The following MAX variants were observed in gnomAD, a reference collection of about 807,000 sequenced individuals.
The protein encoded by MAX is MYC associated transcriptional regulator X.
Under a neutral mutation model 22.3 loss-of-function variants are expected in MAX, and 3 were observed. That is an observed-to-expected ratio of 0.13 (90% CI 0.06 to 0.35). MAX has a LOEUF of 0.35. MAX is among the 10% of genes least tolerant of loss of function. The pLI is 1.00. For missense variants in MAX, 119 were observed against 209.4 expected (o/e 0.57, Z 2.66); for synonymous variants, 72 against 77.7 (o/e 0.93, Z 0.39).
At position 65,040,723 on chromosome 14, in the gene MAX, G is replaced by T. The variant is rs2062332971; in HGVS notation, c.172-34439C>A. On this transcript the variant is annotated intron_variant, in intron 3 of 3. Transcript: ENST00000341653. ...AGTGAACTTTTTCTCTGCCACCTAG[G>T]ATGGTCCTGGTCTTGTGTACGTCCA... The T allele has an allele frequency of 2.0e-6, 3 of 1,533,994 alleles. No individual in the cohort carries two copies. The African/African-American group carries it at 4.1e-5, about 21-fold the overall frequency.
At chr14:65,096,436 C>T (rs2063677949) in intron 2 of MAX, among the ~76,000 whole-genome samples, 3 of 152,176 alleles carry the variant, frequency 2.0e-5, no homozygotes, top group Non-Finnish European at 2.9e-5. Context: ...TGAAAGAGCA[C>T]ATGAAAAACA....
At chr14:65,074,146 A>G (rs894923744), downstream of MAX, among the ~76,000 whole-genome samples, 1 of 152,206 alleles carries the variant, frequency 6.6e-6, no homozygotes. Flanking sequence ...AACCAACTGT[A>G]TACTTAAGCC....
At chr14:65,100,601 T>A (rs375310931) in intron 2 of MAX, among the ~76,000 whole-genome samples, 1 of 152,362 alleles carries the variant, frequency 6.6e-6, no homozygotes, top group Admixed American at 6.5e-5. Context: ...TCCTTCTTTA[T>A]TCTTTATGGC....
In MAX at chr14:65,101,570, T is replaced by C. The variant is rs780941187; in HGVS notation, c.39A>G (p.Glu13=). The change falls in exon 2 of 5, where the codon GAA becomes GAG. Residue 13 remains glutamate, a splice_region_variant and synonymous_variant. Coordinates refer to ENST00000358664, the MANE Select transcript of MAX (RefSeq NM_002382.5). ...CCGCAGATTGAAACCTCGGTTGCTC[T>C]TCCTGGAATAAGAGAGAAAAAAAAA... ...DNDDIEVESD[E]EQPRFQSAAD... The C allele has an allele frequency of 6.2e-6, 10 of 1,606,866 alleles. No individual in the cohort carries two copies. Among genetic ancestry groups the C allele is most frequent in the African/African-American group, 1.3e-5 (1 of 74,774 alleles).
rs1346816623 is a variant in MAX, at chr14:65,007,350, T to A, written c.172-1066A>T. Among the ~76,000 whole-genome samples, 1 of 152,224 alleles carries A rather than the reference T, an allele frequency of 6.6e-6. No homozygotes were observed. The highest frequency in any genetic ancestry group is 1.9e-4 in the East Asian group (1 of 5,202). On this transcript the variant is annotated intron_variant, in intron 3 of 3. Coordinates refer to the MAX transcript ENST00000341653. The surrounding 1 kb of genome is among the most constrained non-coding windows in gnomAD (Gnocchi z 4.9). The stretch of plus-strand genomic sequence containing the variant: ...GTTAGCTGTTAGCAGTAAATCTAGA[T>A]GGCAGGGCTTGTTTGTGTGTCTGAG...
intron 3 of MAX, among the ~76,000 whole-genome samples, chr14:65,037,402 C>CT (rs765037575): frequency 5.5e-4 from 8 of 14,530 alleles, no homozygotes; most frequent in Non-Finnish European, 8.3e-4. Context: ...CACGCCGGGC[C>CT]CTTTTTTTTT....
chr14:65,059,182 C>T (rs1447731650), intron 3 of MAX, among the ~76,000 whole-genome samples: 1 of 152,036 alleles, frequency 6.6e-6, no homozygotes, highest in African/African-American at 2.4e-5. Context: ...ACCACCAGAA[C>T]CTGCTAATTT....
chr14:65,026,644 G>C (rs1046006171), intron 3 of MAX, among the ~76,000 whole-genome samples: 1 of 152,162 alleles, frequency 6.6e-6, no homozygotes, highest in Non-Finnish European at 1.5e-5. Flanking sequence ...TGGATCACTT[G>C]AGGTCAGGTA....
At chr14:65,083,118 G>A (rs545643916) in intron 3 of MAX, among the ~76,000 whole-genome samples, 1 of 152,310 alleles carries the variant, frequency 6.6e-6, no homozygotes, top group South Asian at 2.1e-4. Flanking sequence ...TGTTTATGCT[G>A]CAGCTACGTG....
At chr14:65,067,306 A>G (rs1275109476) in intron 3 of MAX, among the ~76,000 whole-genome samples, 2 of 152,214 alleles carry the variant, frequency 1.3e-5, no homozygotes, top group Non-Finnish European at 2.9e-5. Context: ...CCCTATTAAC[A>G]TCTTCCACTA....
chr14:65,042,057 A>G (rs2062365024), intron 3 of MAX, among the ~76,000 whole-genome samples: 1 of 152,008 alleles, frequency 6.6e-6, no homozygotes, highest in African/African-American at 2.4e-5. Flanking sequence ...GTTAAAGGAG[A>G]GAACATTTAT....
At chr14:65,056,539 G>A (rs2062740850) in intron 3 of MAX, among the ~76,000 whole-genome samples, 1 of 152,186 alleles carries the variant, frequency 6.6e-6, no homozygotes, top group Admixed American at 6.5e-5. Flanking sequence ...TGGGTGTGAA[G>A]TGGTATTTGT....
intron 3 of MAX, among the ~76,000 whole-genome samples, chr14:65,083,168 G>C (rs1268246445): frequency 1.3e-5 from 2 of 152,136 alleles, no homozygotes; most frequent in African/African-American, 4.8e-5. Context: ...GCAGACAGAG[G>C]GAAGGCCAAC....
rs1367500817 is a variant in MAX at position 65,011,576 on chromosome 14, G to A, written c.172-5292C>T. ...TGTTTCTGTAATCTGCAAGCACGGG[G>A]AACATCTTGACAATCTGTGCTTTTT... On this transcript the variant is annotated intron_variant, in intron 3 of 3. Coordinates refer to the MAX transcript ENST00000341653. The surrounding 1 kb of genome is among the most constrained non-coding windows in gnomAD (Gnocchi z 4.0). Among the ~76,000 whole-genome samples, 2 of 152,196 alleles carry A rather than the reference G, an allele frequency of 1.3e-5. No individual in the cohort carries two copies. Among genetic ancestry groups the A allele is most frequent in the African/African-American group, 2.4e-5 (1 of 41,438 alleles).
chr14:65,087,566 C>T (rs895271401), intron 3 of MAX, among the ~76,000 whole-genome samples: 1 of 152,190 alleles, frequency 6.6e-6, no homozygotes, highest in Non-Finnish European at 1.5e-5. Context: ...TTTGGACTTG[C>T]ATGAGGCCTG....
intron 2 of MAX, among the ~76,000 whole-genome samples, chr14:65,101,105 T>C (rs1392306857): frequency 1.3e-5 from 2 of 152,234 alleles, no homozygotes; most frequent in Non-Finnish European, 2.9e-5. Context: ...AGCAGTCACA[T>C]GACTTGGTTA....
chr14:65,084,339 G>C lies in MAX; in HGVS notation c.172-6303C>G. On this transcript the variant is annotated intron_variant, in intron 3 of 4. Transcript: ENST00000358664. The surrounding 1 kb of genome is among the most constrained non-coding windows in gnomAD (Gnocchi z 4.3). ...TGTGGAAAAGCAATTAATTTCACAAGTAATAAATAGAATACAAAATTACTA... is the reference window on the plus strand; with the variant it reads ...TGTGGAAAAGCAATTAATTTCACAACTAATAAATAGAATACAAAATTACTA... 3 of 1,189,046 alleles carry C rather than the reference G, an allele frequency of 2.5e-6. No homozygotes were observed. Among genetic ancestry groups the C allele is most frequent in the Non-Finnish European group, 3.8e-6 (3 of 796,632 alleles). 73.7% of individuals were successfully genotyped at this position (1,189,046 alleles called of 1,614,324 possible).
At chr14:65,052,005 C>T (rs1322160403) in intron 3 of MAX, among the ~76,000 whole-genome samples, 4 of 152,018 alleles carry the variant, frequency 2.6e-5, no homozygotes, top group East Asian at 1.9e-4. Flanking sequence ...CCGTGTTAGC[C>T]GGGATGGTCT....
chr14:65,013,599 G>A (rs751276338), intron 3 of MAX, among the ~76,000 whole-genome samples: 11 of 152,210 alleles, frequency 7.2e-5, no homozygotes, highest in Non-Finnish European at 1.5e-4. Context: ...TCCCAGGCTG[G>A]AGTGCAGTGG....
Sources: gnomAD v4.1 joint callset for allele counts (sites outside exome capture counted in the v4.1 genomes callset) on GRCh38, gnomAD v4.1.1 for gene constraint, Gnocchi (gnomAD v3.1) non-coding constraint, MANE v1.5 for transcripts, NCBI Gene and HGNC (gene_info 2026-07-23, HGNC 2026-07-21) for gene names.